Variants in METTL15 observed in about 807,000 individuals in gnomAD.
The protein encoded by METTL15 is 12S rRNA N(4)-cytidine methyltransferase METTL15.
Under a neutral mutation model 38.3 loss-of-function variants are expected in METTL15, and 34 were observed. That is an observed-to-expected ratio of 0.89 (90% CI 0.68 to 1.18). The LOEUF (loss-of-function observed/expected upper bound fraction) is 1.18, where lower values mean the gene tolerates loss of function less well. Ranked by LOEUF, METTL15 falls within the 50% of genes most tolerant of loss-of-function variation. The pLI is 0.00. For synonymous variants in METTL15, 162 were observed against 170.9 expected (o/e 0.95, Z 0.41); for missense variants, 438 against 498.4 (o/e 0.88, Z 1.15).
intron 5 of METTL15, among the ~76,000 whole-genome samples, chr11:28,408,205 C>T (rs1355899979): frequency 7.2e-5 from 11 of 152,080 alleles, no homozygotes; most frequent in Admixed American, 5.2e-4. Flanking sequence ...CCAATGCATG[C>T]GGGGCTTAAT....
chr11:28,240,619 G>T (rs929265979), intron 4 of METTL15, among the ~76,000 whole-genome samples: 9 of 152,122 alleles, frequency 5.9e-5, no homozygotes, highest in African/African-American at 2.2e-4. Flanking sequence ...AAATATATGC[G>T]TAAGAGCTTA....
intron 6 of METTL15, among the ~76,000 whole-genome samples, chr11:28,309,223 G>A (rs1857189094): frequency 6.6e-6 from 1 of 152,164 alleles, no homozygotes; most frequent in Non-Finnish European, 1.5e-5. Context: ...GCTTCCATTT[G>A]GTTGCTGCCA....
At chr11:28,168,577 A>G (rs980257289) in intron 3 of METTL15, among the ~76,000 whole-genome samples, 8 of 151,072 alleles carry the variant, frequency 5.3e-5, no homozygotes, top group Non-Finnish European at 8.8e-5. Flanking sequence ...TTAACTCATC[A>G]TTTAACATTA....
intron 5 of METTL15, among the ~76,000 whole-genome samples, chr11:28,409,013 G>A (rs1250509102): frequency 5.3e-5 from 8 of 152,062 alleles, no homozygotes; most frequent in South Asian, 2.1e-4. Context: ...CAGAATATAC[G>A]TTCTTTTTTA....
At chr11:28,473,729 A>G (rs970668112) in intron 6 of METTL15, among the ~76,000 whole-genome samples, 1 of 152,040 alleles carries the variant, frequency 6.6e-6, no homozygotes. Flanking sequence ...CTTCTCCACA[A>G]TTTTGCATTT....
intron 6 of METTL15, among the ~76,000 whole-genome samples, chr11:28,443,307 C>T (rs1475018143): frequency 1.3e-5 from 2 of 152,200 alleles, no homozygotes; most frequent in African/African-American, 4.8e-5. Flanking sequence ...TCTGCTCACC[C>T]TCCTGGCTGC....
At chr11:28,478,654 C>T (rs2585820) in intron 6 of METTL15, among the ~76,000 whole-genome samples, 147,840 of 152,130 alleles carry the variant, frequency 0.97, 71,939 homozygotes, top group East Asian at 1. Context: ...TTGCTTTGCT[C>T]CTGGATGCTC....
chr11:28,522,866 C>G (rs1258745638), intron 6 of METTL15, among the ~76,000 whole-genome samples: 2 of 152,210 alleles, frequency 1.3e-5, no homozygotes, highest in African/African-American at 4.8e-5. Flanking sequence ...AGGTCTATAT[C>G]AAGGACCAAA....
intron 6 of METTL15, among the ~76,000 whole-genome samples, chr11:28,462,171 C>T (rs865800623): frequency 7.2e-5 from 11 of 151,866 alleles, no homozygotes; most frequent in African/African-American, 2.2e-4. Context: ...AAGGGCTTGA[C>T]GTAGAAATAC....
At chr11:28,374,983 T>C (rs1590350169) in intron 5 of METTL15, among the ~76,000 whole-genome samples, 1 of 151,578 alleles carries the variant, frequency 6.6e-6, no homozygotes, top group Admixed American at 6.6e-5. Context: ...GATTTGCATA[T>C]ATTGAACCAG....
intron 5 of METTL15, among the ~76,000 whole-genome samples, chr11:28,421,806 G>A (rs1167263651): frequency 2.0e-5 from 3 of 151,950 alleles, no homozygotes; most frequent in African/African-American, 7.2e-5. Flanking sequence ...CTTCACTACT[G>A]TTATTCAACA....
At chr11:28,318,631 T>C (rs1385344034) in intron 6 of METTL15, among the ~76,000 whole-genome samples, 1 of 152,228 alleles carries the variant, frequency 6.6e-6, no homozygotes, top group Non-Finnish European at 1.5e-5. Context: ...TTGTTTTAGC[T>C]GGGCCTAATT....
Position 28,331,785 on chromosome 11 carries a change from CAT to C in METTL15, c.*945_*946del, listed in dbSNP as rs1849823604. 6.6e-6 allele frequency: 1 copy of C among 152,230 alleles called. No individual in the cohort carries two copies. Among genetic ancestry groups the C allele is most frequent in the African/African-American group, 2.4e-5 (1 of 41,464 alleles). 9.4% of individuals were successfully genotyped at this position (152,230 alleles called of 1,614,324 possible). A position where few individuals can be genotyped will look rare whatever the true frequency, so the allele number is the denominator to read the frequency against. On this transcript the variant is annotated 3_prime_UTR_variant, in exon 7 of 7. Coordinates refer to ENST00000407364, the MANE Select transcript of METTL15 (RefSeq NM_001113528.2). ...ATTGAGGAGATTGATTCATAATTCA[CAT>C]GTCAATTTTTTATAGTAATATGTAC...
chr11:28,262,284 G>A (rs1164709228), intron 4 of METTL15, among the ~76,000 whole-genome samples: 3 of 151,222 alleles, frequency 2.0e-5, no homozygotes, highest in Non-Finnish European at 4.4e-5. Flanking sequence ...TATACACATA[G>A]ATATATATGT....
At chr11:28,110,549 G>C (rs1056045752) in intron 2 of METTL15, 148 bp downstream of exon 2, 2 of 152,238 alleles carry the variant, frequency 1.3e-5, no homozygotes, top group Non-Finnish European at 2.9e-5. Flanking sequence ...CTTCAACCTG[G>C]GTTTGGAAGT....
intron 4 of METTL15, among the ~76,000 whole-genome samples, chr11:28,233,994 C>A (rs1289599427): frequency 1.3e-5 from 2 of 149,226 alleles, no homozygotes; most frequent in Non-Finnish European, 3.0e-5. Context: ...GTGATGTTCC[C>A]CTTACTGTGT....
chr11:28,247,261 A>C (rs1854550005), intron 4 of METTL15, among the ~76,000 whole-genome samples: 1 of 152,146 alleles, frequency 6.6e-6, no homozygotes. Context: ...GAATATAAAA[A>C]TTATTAATGA....
intron 3 of METTL15, among the ~76,000 whole-genome samples, chr11:28,199,745 C>CT (rs796080440): frequency 1.9e-3 from 269 of 142,260 alleles, no homozygotes; most frequent in South Asian, 0.013. Flanking sequence ...ATTAAGTTGA[C>CT]TTTTTTTTTT....
Position 28,478,834 on chromosome 11 carries a change from G to A in METTL15, c.*425-47644G>A, listed in dbSNP as rs182037390. ...AAGGGGCCATAAGTGACTTGGAATG[G>A]AAAGGAGTTTTGGTGTTGATGTTTT... is the stretch of plus-strand genomic sequence containing the variant. On this transcript the variant is annotated intron_variant and NMD_transcript_variant, in intron 6 of 7. Coordinates refer to the METTL15 transcript ENST00000532947. Among the ~76,000 whole-genome samples the A allele has an allele frequency of 3.3e-5, 5 of 152,286 alleles. No individual in the cohort carries two copies. The East Asian group carries it at 7.7e-4, about 23-fold the overall frequency.
Sources: allele counts gnomAD v4.1 joint callset (sites outside exome capture counted in the v4.1 genomes callset), GRCh38; gene constraint gnomAD v4.1.1; transcripts MANE v1.5; gene names NCBI Gene and HGNC (gene_info 2026-07-23, HGNC 2026-07-21).